Variants in TTC28 observed in about 807,000 individuals in gnomAD.
The protein encoded by TTC28 is tetratricopeptide repeat domain 28, also known as tetratricopeptide repeat protein 28.
In TTC28, 61 loss-of-function variants were observed where a neutral mutation model predicts 198.0. That is an observed-to-expected ratio of 0.31 (90% CI 0.25 to 0.38). The LOEUF is 0.38. TTC28 is among the 10% of genes least tolerant of loss of function. The probability of loss-of-function intolerance (pLI) is 1.00; values close to 1 mark genes in which losing one functional copy is unlikely to be tolerated. For synonymous variants in TTC28, 1,171 were observed against 1,297.8 expected, an observed-to-expected ratio of 0.90 and a Z score of 2.10; for missense variants, 2,678 against 3,164.0, an observed-to-expected ratio of 0.85 and a Z score of 3.69.
At chr22:28,166,294 G>A (rs1014465024) in intron 5 of TTC28, among the ~76,000 whole-genome samples, 1 of 152,142 alleles carries the variant, frequency 6.6e-6, no homozygotes, top group Non-Finnish European at 1.5e-5. Flanking sequence ...GGATATCCAG[G>A]AATTGAACTC....
At chr22:28,531,555 G>A (rs975288738) in intron 2 of TTC28, among the ~76,000 whole-genome samples, 18 of 152,084 alleles carry the variant, frequency 1.2e-4, no homozygotes, top group Admixed American at 3.9e-4. Context: ...AGCACCAAGC[G>A]GATCTAATAG....
At chr22:28,469,945 C>T (rs558142052) in intron 2 of TTC28, among the ~76,000 whole-genome samples, 70 of 152,284 alleles carry the variant, frequency 4.6e-4, no homozygotes, top group Non-Finnish European at 8.8e-4. Flanking sequence ...AAGTGATCCT[C>T]TTGCCTCAAC....
At chr22:28,600,630 TATA>T (rs1321300148) in intron 2 of TTC28, among the ~76,000 whole-genome samples, 1 of 152,186 alleles carries the variant, frequency 6.6e-6, no homozygotes, top group Admixed American at 6.5e-5. Context: ...CTGAAAAATT[TATA>T]ATATCTTCAG....
rs374607387 is a variant in TTC28, at chr22:27,980,514, GGT to G, written c.*1705_*1706del. ...TTTCAGAGGAGTACACTGAGGAACA[GGT>G]GAGATTGTCAGTGTATGCGCAGAAG... is the stretch of plus-strand genomic sequence containing the variant. On this transcript the variant is annotated 3_prime_UTR_variant, in exon 23 of 23. Coordinates refer to ENST00000397906, the MANE Select transcript of TTC28 (RefSeq NM_001145418.2). 2.6e-5 allele frequency: 4 copies of G among 152,340 alleles called. No individual in the cohort carries two copies. Among genetic ancestry groups the G allele is most frequent in the African/African-American group, 7.2e-5 (3 of 41,574 alleles). The allele number at this position is 152,340 out of a possible 1,614,324, so 9.4% of individuals were successfully genotyped here.
At chr22:28,329,371 TTAAA>T (rs149587515) in intron 2 of TTC28, among the ~76,000 whole-genome samples, 5,401 of 152,120 alleles carry the variant, frequency 0.036, 125 homozygotes, top group African/African-American at 0.053. Flanking sequence ...CTTACGTACT[TTAAA>T]TAGTCACATC....
At chr22:27,998,480 G>T (rs1937590354) in intron 16 of TTC28, 60 bp downstream of exon 16, 1 of 1,494,854 alleles carries the variant, frequency 6.7e-7, no homozygotes, top group African/African-American at 1.4e-5. Context: ...ATAAAGTCGG[G>T]GGGCTGTGAG....
rs550041388 is a variant in TTC28 at position 28,505,954 on chromosome 22, G to A, written c.381+123598C>T. Among the ~76,000 whole-genome samples the A allele has an allele frequency of 2.6e-5, 4 of 152,330 alleles. 1 individual carries two copies. The East Asian group carries it at 7.7e-4, about 29-fold the overall frequency. On this transcript the variant is annotated intron_variant, in intron 2 of 22. Transcript: ENST00000397906. ...TTCAGTAGATTCAGCTGTTCCAGCC[G>A]GCTGGCTTTGGAGAATACAAACAGT...
At chr22:28,182,527 T>C (rs1334868490) in intron 5 of TTC28, among the ~76,000 whole-genome samples, 1 of 152,042 alleles carries the variant, frequency 6.6e-6, no homozygotes, top group Non-Finnish European at 1.5e-5. Flanking sequence ...CAAGAAATCT[T>C]TAAATTGGGT....
intron 2 of TTC28, among the ~76,000 whole-genome samples, chr22:28,626,105 C>T (rs566815239): frequency 2.6e-5 from 4 of 151,854 alleles, no homozygotes; most frequent in African/African-American, 9.7e-5. Context: ...GTAACCTTGG[C>T]GAAGACAAAG....
At chr22:28,139,009 T>C (rs1256996569) in intron 6 of TTC28, among the ~76,000 whole-genome samples, 1 of 151,790 alleles carries the variant, frequency 6.6e-6, no homozygotes, top group Non-Finnish European at 1.5e-5. Flanking sequence ...ACTATTAGGA[T>C]TGTATCTTGA....
chr22:28,525,181 ACT>A (rs2048982868), intron 2 of TTC28, among the ~76,000 whole-genome samples: 1 of 151,930 alleles, frequency 6.6e-6, no homozygotes, highest in African/African-American at 2.4e-5. Context: ...AACGGGTCTC[ACT>A]CTGTCACCGA....
intron 2 of TTC28, among the ~76,000 whole-genome samples, chr22:28,470,847 G>GAGTA (rs2048088236): frequency 6.6e-6 from 1 of 152,012 alleles, no homozygotes; most frequent in Non-Finnish European, 1.5e-5. Flanking sequence ...CAAGAGAAGT[G>GAGTA]AGTACTAAGA....
intron 2 of TTC28, among the ~76,000 whole-genome samples, chr22:28,488,158 G>A (rs2048334195): frequency 6.6e-6 from 1 of 152,106 alleles, no homozygotes; most frequent in Admixed American, 6.5e-5. Context: ...CCAAGAAGTA[G>A]TCAAGATGAT....
chr22:28,041,288 A>C (rs927451704), intron 12 of TTC28, among the ~76,000 whole-genome samples: 27 of 152,330 alleles, frequency 1.8e-4, no homozygotes, highest in South Asian at 4.1e-4. Flanking sequence ...AATCCTAAGC[A>C]AAAAGAACAA....
At chr22:28,529,887 CAAA>C (rs1803375529) in intron 2 of TTC28, among the ~76,000 whole-genome samples, 1 of 152,090 alleles carries the variant, frequency 6.6e-6, no homozygotes, top group Non-Finnish European at 1.5e-5. Context: ...ACATCCACAC[CAAA>C]ACCCCATCTG....
At chr22:28,261,666 A>C (rs1931330269) in intron 5 of TTC28, among the ~76,000 whole-genome samples, 1 of 152,190 alleles carries the variant, frequency 6.6e-6, no homozygotes, top group African/African-American at 2.4e-5. Context: ...TTTATGATTA[A>C]CAAAATGCCT....
chr22:28,030,426 C>T, intron 12 of TTC28, 60 bp from the exon 13 acceptor site: 1 of 1,541,050 alleles, frequency 6.5e-7, no homozygotes, highest in South Asian at 1.2e-5. Flanking sequence ...CTATGGAAGT[C>T]AGCTCTGAGG....
At chr22:28,150,238 C>A (rs1323922985) in intron 6 of TTC28, among the ~76,000 whole-genome samples, 3 of 152,122 alleles carry the variant, frequency 2.0e-5, no homozygotes, top group Non-Finnish European at 4.4e-5. Context: ...CAGAACATTA[C>A]CAGAGCCTAT....
chr22:28,408,925 T>G (rs996027823), intron 2 of TTC28, among the ~76,000 whole-genome samples: 2 of 152,260 alleles, frequency 1.3e-5, no homozygotes, highest in African/African-American at 4.8e-5. Context: ...ATATCTTGCA[T>G]AGAATTTCTT....
Sources: allele counts gnomAD v4.1 joint callset (sites outside exome capture counted in the v4.1 genomes callset), GRCh38; gene constraint gnomAD v4.1.1; transcripts MANE v1.5; gene names NCBI Gene and HGNC (gene_info 2026-07-23, HGNC 2026-07-21).